Variants in ANKS1A observed in about 807,000 individuals in gnomAD.
ANKS1A encodes the protein ankyrin repeat and SAM domain-containing protein 1A.
Under a neutral mutation model 120.3 loss-of-function variants are expected in ANKS1A, and 55 were observed. The ratio of observed to expected loss-of-function variants is 0.46; its 90% CI spans 0.37 to 0.57. The LOEUF (loss-of-function observed/expected upper bound fraction) is 0.57. Ranked by LOEUF, ANKS1A falls within the 20% of genes least tolerant of loss-of-function variation. The probability of loss-of-function intolerance (pLI) is 0.00; values close to 1 mark genes in which losing one functional copy is unlikely to be tolerated. For missense variants in ANKS1A, 1,123 were observed against 1,480.3 expected (o/e 0.76, Z 3.96); for synonymous variants, 590 against 604.7 (o/e 0.98, Z 0.36).
chr6:34,985,546 G>A (rs1333217298), intron 8 of ANKS1A, among the ~76,000 whole-genome samples: 1 of 152,134 alleles, frequency 6.6e-6, no homozygotes, highest in East Asian at 1.9e-4. Flanking sequence ...ATTGGCCTTA[G>A]AGCAAATTAA....
chr6:34,971,687 T>C (rs1239795885), intron 3 of ANKS1A, among the ~76,000 whole-genome samples: 1 of 152,238 alleles, frequency 6.6e-6, no homozygotes, highest in Non-Finnish European at 1.5e-5. Context: ...CAAGTCCATC[T>C]GTCAGGAGAC....
At chr6:34,935,425 T>G (rs779210890) in intron 1 of ANKS1A, among the ~76,000 whole-genome samples, 1 of 152,212 alleles carries the variant, frequency 6.6e-6, no homozygotes, top group Non-Finnish European at 1.5e-5. Flanking sequence ...GAGTCAAAAC[T>G]GGGATTGCCC....
intron 9 of ANKS1A, among the ~76,000 whole-genome samples, chr6:34,991,362 T>C (rs188052006): frequency 1.6e-4 from 25 of 152,242 alleles, no homozygotes; most frequent in Non-Finnish European, 1.6e-4. Flanking sequence ...GCCGTAGTCT[T>C]CTCTGTGCTC....
intron 1 of ANKS1A, among the ~76,000 whole-genome samples, chr6:34,933,895 C>T (rs79805509): frequency 0.013 from 1,904 of 152,190 alleles, 18 homozygotes; most frequent in Middle Eastern, 0.024. Flanking sequence ...TCTTTGAATA[C>T]GGCAGTCAAT....
At chr6:34,964,657 A>C (rs1179017288) in intron 1 of ANKS1A, among the ~76,000 whole-genome samples, 2 of 152,150 alleles carry the variant, frequency 1.3e-5, no homozygotes, top group Non-Finnish European at 2.9e-5. Context: ...ATAGACATTA[A>C]GTTTTTAGTT....
chr6:34,929,993 G>T (rs1429646502), intron 1 of ANKS1A, among the ~76,000 whole-genome samples: 1 of 151,968 alleles, frequency 6.6e-6, no homozygotes, highest in East Asian at 1.9e-4. Context: ...TATGACATCT[G>T]AAATTCATGA....
intron 10 of ANKS1A, among the ~76,000 whole-genome samples, chr6:35,003,066 T>C (rs1447238311): frequency 2.0e-5 from 3 of 151,228 alleles, no homozygotes; most frequent in Non-Finnish European, 4.4e-5. Flanking sequence ...ATTAAAACCA[T>C]CTTTCTTCCT....
At chr6:35,026,979 C>T (rs1185681470) in intron 11 of ANKS1A, among the ~76,000 whole-genome samples, 1 of 152,068 alleles carries the variant, frequency 6.6e-6, no homozygotes, top group East Asian at 1.9e-4. Context: ...TTGTTGTCAT[C>T]CTAGGCAAGG....
At position 35,060,605 on chromosome 6, in the gene ANKS1A, A is replaced by T. The variant is rs192887825; in HGVS notation, c.2184+352A>T. On this transcript the variant is annotated intron_variant, in intron 13 of 23. Transcript: ENST00000360359. This position sits in a 1 kb window ranked among gnomAD's most constrained non-coding sequence, Gnocchi z 4.5. ...ATTTCTCAAAACTTGGTGTCAAGTG[A>T]GTTGTCACTGAAGCAAGGAGCCTTG... Among the ~76,000 whole-genome samples, 14 of 152,304 alleles carry T rather than the reference A, an allele frequency of 9.2e-5. No homozygotes were observed. In the East Asian group the frequency reaches 2.7e-3, roughly 29 times the overall value.
chr6:35,077,503 C>A (rs531160502), intron 13 of ANKS1A, among the ~76,000 whole-genome samples: 1 of 152,180 alleles, frequency 6.6e-6, no homozygotes, highest in African/African-American at 2.4e-5. Context: ...CTGTGCCCAG[C>A]GGGGCTCTGG....
rs1400159235 is a variant in ANKS1A at position 35,044,797 on chromosome 6, G to GA, written c.2011-9300dup. 6.6e-6 allele frequency among the ~76,000 whole-genome samples: 1 copy of GA among 152,186 alleles called. No individual in the cohort carries two copies. The highest frequency in any genetic ancestry group is 2.1e-4 in the South Asian group (1 of 4,824). On this transcript the variant is annotated intron_variant, in intron 11 of 23. Transcript: ENST00000360359. The surrounding 1 kb of genome is among the most constrained non-coding windows in gnomAD (Gnocchi z 4.4). The stretch of plus-strand genomic sequence containing the variant: ...TTTTGATTAACTTGTTTTTTAGATA[G>GA]AATTTTGTTTATTTTGGAACCAGAT...
At position 35,057,287 on chromosome 6, in the gene ANKS1A, C is replaced by T. The variant is rs1244636534; in HGVS notation, c.2078-2860C>T. ...GTGCCAACTCCCATTCTCAGGAGTC[C>T]AGGAGGGTATGCCTTCCCACTGGCC... On this transcript the variant is annotated intron_variant, in intron 12 of 23. Transcript: ENST00000360359. The surrounding 1 kb of genome is among the most constrained non-coding windows in gnomAD (Gnocchi z 4.1). Among the ~76,000 whole-genome samples the T allele has an allele frequency of 6.6e-6, 1 of 152,146 alleles. No individual in the cohort carries two copies. The highest frequency in any genetic ancestry group is 1.5e-5 in the Non-Finnish European group (1 of 68,020).
At chr6:34,950,574 C>T (rs1455492730) in intron 1 of ANKS1A, among the ~76,000 whole-genome samples, 1 of 152,016 alleles carries the variant, frequency 6.6e-6, no homozygotes, top group East Asian at 1.9e-4. Flanking sequence ...GAGAGAGATC[C>T]GGCTTAACTC....
chr6:34,960,442 C>A (rs1475081177), intron 1 of ANKS1A, among the ~76,000 whole-genome samples: 1 of 152,080 alleles, frequency 6.6e-6, no homozygotes, highest in African/African-American at 2.4e-5. Flanking sequence ...AGAAGGCGCA[C>A]TTCACGTGTC....
chr6:35,067,950 C>T (rs989242965), intron 13 of ANKS1A, among the ~76,000 whole-genome samples: 9 of 137,560 alleles, frequency 6.5e-5, no homozygotes, highest in Non-Finnish European at 1.2e-4. Context: ...AGTGCAGTGG[C>T]GAAATCTCGG....
intron 1 of ANKS1A, among the ~76,000 whole-genome samples, chr6:34,943,743 C>A (rs1028193295): frequency 6.6e-6 from 1 of 152,168 alleles, no homozygotes; most frequent in Non-Finnish European, 1.5e-5. Flanking sequence ...TTCTCGAAGT[C>A]TTTTTATAGC....
downstream of ANKS1A, among the ~76,000 whole-genome samples, chr6:35,095,422 C>T (rs527716839): frequency 1.1e-3 from 173 of 151,262 alleles, no homozygotes; most frequent in Non-Finnish European, 2.8e-4. Context: ...CCAGACATGG[C>T]GGTGCATGCC....
intron 12 of ANKS1A, among the ~76,000 whole-genome samples, chr6:35,056,481 G>T (rs971864000): frequency 6.6e-6 from 1 of 152,050 alleles, no homozygotes; most frequent in African/African-American, 2.4e-5. Flanking sequence ...GTAGAGACAG[G>T]GTTTCACCGT....
At chr6:34,995,909 G>A (rs1299560903) in intron 10 of ANKS1A, among the ~76,000 whole-genome samples, 2 of 152,154 alleles carry the variant, frequency 1.3e-5, no homozygotes, top group African/African-American at 4.8e-5. Flanking sequence ...ATATCACTTA[G>A]ATATGTACCT....
Sources: allele counts gnomAD v4.1 joint callset (sites outside exome capture counted in the v4.1 genomes callset), GRCh38; gene constraint gnomAD v4.1.1; non-coding constraint Gnocchi (gnomAD v3.1); transcripts MANE v1.5; gene names NCBI Gene and HGNC (gene_info 2026-07-23, HGNC 2026-07-21).